SYT1: variants seen among roughly 807,000 people sequenced by gnomAD.
SYT1 encodes synaptotagmin 1.
Under a neutral mutation model 44.8 loss-of-function variants are expected in SYT1, and 8 were observed. That is an observed-to-expected ratio of 0.18 (90% CI 0.10 to 0.32). The LOEUF is 0.32. Among genes scored for constraint, SYT1 ranks in the 10% least tolerant of loss-of-function variants. The probability of loss-of-function intolerance (pLI) is 1.00; values close to 1 mark genes in which losing one functional copy is unlikely to be tolerated. For missense variants in SYT1, 286 were observed against 509.3 expected, an observed-to-expected ratio of 0.56 and a Z score of 4.22; for synonymous variants, 154 against 188.8, an observed-to-expected ratio of 0.82 and a Z score of 1.51.
chr12:79,146,863 T>G (rs1047826622), intron 3 of SYT1, among the ~76,000 whole-genome samples: 2 of 152,236 alleles, frequency 1.3e-5, no homozygotes, highest in Admixed American at 6.5e-5. Flanking sequence ...TTTTTTGAGA[T>G]GGAGTCTCAC....
At chr12:79,006,169 G>A (rs1871066970) in intron 2 of SYT1, among the ~76,000 whole-genome samples, 1 of 152,136 alleles carries the variant, frequency 6.6e-6, no homozygotes, top group African/African-American at 2.4e-5. Flanking sequence ...AGCTTAGAGA[G>A]GACATGATGG....
rs1255788267 is a variant in SYT1, at chr12:79,381,443, A to T, written c.928+27824A>T. ...GCCAAGGCCCAGTTAACAGCACTTC[A>T]TTGAAATGCAAGAGGCATCTCTGTG... On this transcript the variant is annotated intron_variant, in intron 9 of 10. Transcript: ENST00000261205. Among the ~76,000 whole-genome samples the T allele has an allele frequency of 2.0e-5, 3 of 152,228 alleles. No homozygotes were observed. The East Asian group carries it at 5.8e-4, about 29-fold the overall frequency.
chr12:78,868,323 G>A (rs1873647830), intron 1 of SYT1, among the ~76,000 whole-genome samples: 1 of 151,904 alleles, frequency 6.6e-6, no homozygotes, highest in African/African-American at 2.4e-5. Context: ...ATTGTGTAAT[G>A]TAGGTATGCG....
At chr12:79,179,025 TAGATATATAG>T (rs1872131121) in intron 3 of SYT1, among the ~76,000 whole-genome samples, 1 of 11,974 alleles carries the variant, frequency 8.4e-5, no homozygotes, top group Non-Finnish European at 1.6e-4. Context: ...GATATAGATA[TAGATATATAG>T]ATATAGATAT....
At chr12:79,033,223 A>G (rs1872930497) in intron 2 of SYT1, among the ~76,000 whole-genome samples, 1 of 151,224 alleles carries the variant, frequency 6.6e-6, no homozygotes. Flanking sequence ...CATGGGTGAA[A>G]TGAGAGTCTC....
chr12:79,093,130 A>G (rs1260001596), intron 3 of SYT1, among the ~76,000 whole-genome samples: 1 of 151,746 alleles, frequency 6.6e-6, no homozygotes, highest in African/African-American at 2.4e-5. Context: ...AGTGCTTCCC[A>G]TATAACTTAG....
intron 1 of SYT1, among the ~76,000 whole-genome samples, chr12:78,942,017 CT>C (rs1565728965): frequency 6.6e-6 from 1 of 152,200 alleles, no homozygotes; most frequent in East Asian, 1.9e-4. Flanking sequence ...TACTATTTTC[CT>C]TTTGGCCTCT....
At chr12:79,372,396 C>T (rs1302720985) in intron 9 of SYT1, among the ~76,000 whole-genome samples, 1 of 152,062 alleles carries the variant, frequency 6.6e-6, no homozygotes, top group Non-Finnish European at 1.5e-5. Context: ...TAAAGTTATC[C>T]AGATTATATT....
rs540264058 is a variant in SYT1 at position 78,919,603 on chromosome 12, C to T, written c.-217+54494C>T. On this transcript the variant is annotated intron_variant, in intron 1 of 10. Coordinates refer to ENST00000261205, the MANE Select transcript of SYT1 (RefSeq NM_005639.3). ...CCACCCCATTTCCCATGGCATATGC[C>T]GATGTCTGAGCTTCCAGGGACTTGC... 3.9e-5 allele frequency among the ~76,000 whole-genome samples: 6 copies of T among 152,106 alleles called. No individual in the cohort carries two copies. The East Asian group carries it at 5.8e-4, about 15-fold the overall frequency.
At chr12:78,955,362 T>A (rs1879153866) in intron 1 of SYT1, 1 of 152,136 alleles carries the variant, frequency 6.6e-6, no homozygotes, top group African/African-American at 2.4e-5. Flanking sequence ...TGCTTACTTG[T>A]CACATAGATT....
At chr12:79,432,154 A>C (rs1869828312) in intron 9 of SYT1, among the ~76,000 whole-genome samples, 1 of 152,134 alleles carries the variant, frequency 6.6e-6, no homozygotes. Flanking sequence ...CTACATTATT[A>C]ATACTATAAA....
intron 3 of SYT1, among the ~76,000 whole-genome samples, chr12:79,142,640 C>T (rs1430032448): frequency 1.3e-5 from 2 of 152,132 alleles, no homozygotes; most frequent in Non-Finnish European, 2.9e-5. Flanking sequence ...TTTAATCAAT[C>T]AAATTCAAAT....
intron 4 of SYT1, among the ~76,000 whole-genome samples, chr12:79,261,007 C>T (rs577082000): frequency 2.0e-5 from 3 of 152,046 alleles, no homozygotes; most frequent in Non-Finnish European, 2.9e-5. Flanking sequence ...GGGGTCACCT[C>T]GCTGTTGGAA....
intron 3 of SYT1, among the ~76,000 whole-genome samples, chr12:79,060,087 A>T (rs1238152142): frequency 6.6e-6 from 1 of 152,092 alleles, no homozygotes; most frequent in Non-Finnish European, 1.5e-5. Context: ...TAGGCAGAGC[A>T]TCCTCCTATC....
intron 3 of SYT1, among the ~76,000 whole-genome samples, chr12:79,184,078 C>T (rs1175780792): frequency 1.3e-5 from 2 of 151,946 alleles, no homozygotes; most frequent in African/African-American, 4.8e-5. Flanking sequence ...GTATTTTTCC[C>T]ATTCTGTCAT....
intron 3 of SYT1, among the ~76,000 whole-genome samples, chr12:79,205,296 A>G (rs1166358207): frequency 6.6e-6 from 1 of 152,178 alleles, no homozygotes; most frequent in Non-Finnish European, 1.5e-5. Context: ...ACTGTAAAAT[A>G]CACCTGAAGT....
intron 4 of SYT1, among the ~76,000 whole-genome samples, chr12:79,260,894 A>C (rs529516219): frequency 6.6e-6 from 1 of 152,248 alleles, no homozygotes; most frequent in South Asian, 2.1e-4. Flanking sequence ...CAACCATATC[A>C]TGAGATCAAA....
At chr12:78,981,209 C>A (rs753115843) in intron 2 of SYT1, among the ~76,000 whole-genome samples, 1 of 147,788 alleles carries the variant, frequency 6.8e-6, no homozygotes, top group African/African-American at 2.5e-5. Flanking sequence ...CTCACTGCAA[C>A]CTCCAACTCC....
At chr12:79,277,299 T>C (rs1878791067) in intron 4 of SYT1, among the ~76,000 whole-genome samples, 2 of 152,270 alleles carry the variant, frequency 1.3e-5, no homozygotes, top group East Asian at 3.9e-4. Context: ...AAGGAAAACC[T>C]ATTAGACTAA....
Sources: gnomAD v4.1 joint callset for allele counts (sites outside exome capture counted in the v4.1 genomes callset) on GRCh38, gnomAD v4.1.1 for gene constraint, MANE v1.5 for transcripts, NCBI Gene and HGNC (gene_info 2026-07-23, HGNC 2026-07-21) for gene names.